Variants in FHIT observed in about 807,000 individuals in gnomAD.
The protein encoded by FHIT is bis(5'-adenosyl)-triphosphatase.
In FHIT, 19 loss-of-function variants were observed where a neutral mutation model predicts 17.9. That is an observed-to-expected ratio of 1.06 (90% confidence interval 0.74 to 1.56). FHIT has a LOEUF of 1.56. Ranked by LOEUF, FHIT falls within the 40% of genes most tolerant of loss-of-function variation. FHIT has a pLI of 0.00. For synonymous variants in FHIT, 81 were observed against 69.7 expected (o/e 1.16, Z -0.81); for missense variants, 248 against 189.2 (o/e 1.31, Z -1.82).
chr3:60,552,086 G>A (rs747571689), intron 4 of FHIT, among the ~76,000 whole-genome samples: 35 of 152,098 alleles, frequency 2.3e-4, no homozygotes, highest in East Asian at 5.8e-4. Flanking sequence ...GGAGTCATAC[G>A]ATATATAGCC....
intron 8 of FHIT, among the ~76,000 whole-genome samples, chr3:59,865,999 T>G (rs2106873653): frequency 6.6e-6 from 1 of 152,262 alleles, no homozygotes; most frequent in African/African-American, 2.4e-5. Context: ...GCACATGAAA[T>G]ATGGTTCTCC....
At chr3:60,209,656 G>A (rs1222062118) in intron 5 of FHIT, among the ~76,000 whole-genome samples, 1 of 151,992 alleles carries the variant, frequency 6.6e-6, no homozygotes, top group African/African-American at 2.4e-5. Context: ...CATTCAATAG[G>A]GCTTTTGAAA....
chr3:60,186,195 A>G (rs1189069781), intron 5 of FHIT, among the ~76,000 whole-genome samples: 2 of 152,124 alleles, frequency 1.3e-5, no homozygotes, highest in Non-Finnish European at 2.9e-5. Flanking sequence ...GGTGGTGTAT[A>G]TACCTACTAA....
intron 8 of FHIT, among the ~76,000 whole-genome samples, chr3:59,832,030 G>C (rs1219358591): frequency 2.6e-5 from 4 of 152,036 alleles, no homozygotes; most frequent in Non-Finnish European, 5.9e-5. Flanking sequence ...CTGCACCTGA[G>C]TAAATTAACC....
intron 5 of FHIT, among the ~76,000 whole-genome samples, chr3:60,300,941 T>G (rs899993314): frequency 2.0e-5 from 3 of 151,980 alleles, no homozygotes; most frequent in Non-Finnish European, 4.4e-5. Flanking sequence ...GTAATAGTCA[T>G]CTCCCAAGTT....
chr3:59,768,636 G>GGAA (rs202105879), intron 8 of FHIT, among the ~76,000 whole-genome samples: 1,789 of 152,264 alleles, frequency 0.012, 2 homozygotes, highest in African/African-American at 0.041. Flanking sequence ...ATGTCATATG[G>GGAA]TTCAATCTAA....
chr3:61,012,910 GA>G (rs2107627008), intron 3 of FHIT, among the ~76,000 whole-genome samples: 1 of 151,890 alleles, frequency 6.6e-6, no homozygotes, highest in East Asian at 1.9e-4. Context: ...ACAAATGAAT[GA>G]AATATGACTT....
chr3:59,809,765 T>C (rs1307320987), intron 8 of FHIT, among the ~76,000 whole-genome samples: 1 of 152,182 alleles, frequency 6.6e-6, no homozygotes, highest in East Asian at 1.9e-4. Flanking sequence ...CACTTCCGTC[T>C]TCAGACCTGT....
chr3:60,928,982 C>T lies in FHIT; in HGVS notation c.-110-106971G>A, dbSNP rs560287576. Among the ~76,000 whole-genome samples the T allele has an allele frequency of 3.9e-5, 6 of 152,266 alleles. 1 individual carries two copies. In the South Asian group the frequency reaches 1.2e-3, roughly 32 times the overall value. ...AAATCCTCAATAAAATACTGGCAAA[C>T]CGAATCCAGCAGCACATCAAAAAGC... On this transcript the variant is annotated intron_variant, in intron 3 of 9. Coordinates refer to ENST00000492590, the MANE Select transcript of FHIT (RefSeq NM_002012.4).
intron 2 of FHIT, among the ~76,000 whole-genome samples, chr3:61,183,120 C>T (rs2038392739): frequency 2.0e-5 from 3 of 152,202 alleles, no homozygotes; most frequent in Non-Finnish European, 2.9e-5. Flanking sequence ...CTGGAACATG[C>T]TCCTGAATTC....
chr3:59,777,907 C>T (rs1379338945), intron 8 of FHIT, among the ~76,000 whole-genome samples: 1 of 152,206 alleles, frequency 6.6e-6, no homozygotes, highest in Non-Finnish European at 1.5e-5. Context: ...CCCGGGCTTA[C>T]AGCTTCTCAT....
intron 2 of FHIT, among the ~76,000 whole-genome samples, chr3:61,082,383 T>G (rs935790746): frequency 6.6e-6 from 1 of 152,256 alleles, no homozygotes; most frequent in African/African-American, 2.4e-5. Context: ...GTTAGAATGA[T>G]CCTTGCTGTT....
chr3:60,637,693 T>C (rs2039622654), intron 4 of FHIT, among the ~76,000 whole-genome samples: 1 of 152,222 alleles, frequency 6.6e-6, no homozygotes, highest in East Asian at 1.9e-4. Flanking sequence ...AGAAGTATCC[T>C]AAAACATATA....
intron 4 of FHIT, among the ~76,000 whole-genome samples, chr3:60,645,544 A>C (rs567950084): frequency 1.3e-5 from 2 of 152,306 alleles, no homozygotes; most frequent in East Asian, 3.9e-4. Flanking sequence ...ACATGGCCAC[A>C]GTTGTCTCTA....
chr3:60,451,662 T>C (rs1354258400), intron 5 of FHIT, among the ~76,000 whole-genome samples: 1 of 152,170 alleles, frequency 6.6e-6, no homozygotes, highest in Non-Finnish European at 1.5e-5. Flanking sequence ...AAATCTCATT[T>C]TGCACAAAGA....
intron 5 of FHIT, among the ~76,000 whole-genome samples, chr3:60,149,407 G>C (rs1479010274): frequency 6.6e-6 from 1 of 151,948 alleles, no homozygotes; most frequent in African/African-American, 2.4e-5. Flanking sequence ...TTCTTCTATG[G>C]AGTTGTCTTG....
intron 4 of FHIT, among the ~76,000 whole-genome samples, chr3:60,653,047 C>T (rs2040032953): frequency 6.6e-6 from 1 of 152,170 alleles, no homozygotes; most frequent in Non-Finnish European, 1.5e-5. Flanking sequence ...GACCCACCCA[C>T]TTAAAAATAG....
At chr3:60,742,090 G>C (rs1577146621) in intron 4 of FHIT, among the ~76,000 whole-genome samples, 3 of 152,300 alleles carry the variant, frequency 2.0e-5, no homozygotes, top group African/African-American at 4.8e-5. Context: ...GGGGCACTCT[G>C]AGCTTGTTTC....
At chr3:60,741,247 C>G (rs1474280840) in intron 4 of FHIT, among the ~76,000 whole-genome samples, 3 of 152,218 alleles carry the variant, frequency 2.0e-5, no homozygotes, top group Admixed American at 6.5e-5. Context: ...CCTAATTTCA[C>G]CTCAAACCTC....
Sources: gnomAD v4.1 joint callset for allele counts (sites outside exome capture counted in the v4.1 genomes callset) on GRCh38, gnomAD v4.1.1 for gene constraint, MANE v1.5 for transcripts, NCBI Gene and HGNC (gene_info 2026-07-23, HGNC 2026-07-21) for gene names.